SLC2A14: variants seen among roughly 807,000 people sequenced by gnomAD.
SLC2A14 encodes the protein solute carrier family 2, facilitated glucose transporter member 14.
In SLC2A14, 13 loss-of-function variants were observed where a neutral mutation model predicts 43.0. The ratio of observed to expected loss-of-function variants is 0.30; its 90% CI spans 0.20 to 0.48. The LOEUF (loss-of-function observed/expected upper bound fraction) is 0.48. SLC2A14 is among the 20% of genes least tolerant of loss of function. SLC2A14 has a pLI of 0.99. For missense variants in SLC2A14, 428 were observed against 620.4 expected, an observed-to-expected ratio of 0.69 and a Z score of 3.29; for synonymous variants, 190 against 233.8, an observed-to-expected ratio of 0.81 and a Z score of 1.71.
At chr12:7,826,303 A>G (rs964533481) in intron 7 of SLC2A14, among the ~76,000 whole-genome samples, 8 of 150,484 alleles carry the variant, frequency 5.3e-5, no homozygotes, top group Non-Finnish European at 1.2e-4. Context: ...TCCCACCTCA[A>G]CCTCTGAGTA....
chr12:7,863,891 CT>C (rs949469302), intron 2 of SLC2A14, among the ~76,000 whole-genome samples: 3 of 151,396 alleles, frequency 2.0e-5, no homozygotes, highest in African/African-American at 7.3e-5. Context: ...TCTTGGCTCA[CT>C]GCAACCTCCA....
At chr12:7,884,780 A>G (rs1272748636) in intron 1 of SLC2A14, among the ~76,000 whole-genome samples, 3 of 152,114 alleles carry the variant, frequency 2.0e-5, no homozygotes, top group African/African-American at 7.2e-5. Context: ...TTGTTTGTTA[A>G]ACTTTGGAAG....
rs1441444897 is a variant in SLC2A14, at chr12:7,829,782, C to T, written c.497G>A (p.Gly166Glu). Residue 166 changes from glycine to glutamate, a missense_variant, in exon 5 of 11, where the codon GGA (glycine) becomes GAA (glutamate). Physicochemically the swap from Gly to Glu is moderately conservative, Grantham distance 98 (BLOSUM62 -2). This residue lies in a region of SLC2A14 where 185 missense variants were observed against 275.4 expected (regional missense o/e 0.67). Transcript: ENST00000431042. ...GTLNQLGIVI[G>E]ILVAQIFGLE... The stretch of plus-strand genomic sequence containing the variant: ...CTAGAGTACCTGGGCCACCAGAATT[C>T]CAATAACTATGCCCAGCTGGTTGAG... 6.2e-7 allele frequency: 1 copy of T among 1,614,046 alleles called. No homozygotes were observed. Among genetic ancestry groups the T allele is most frequent in the Non-Finnish European group, 8.5e-7 (1 of 1,180,040 alleles).
At chr12:7,828,642 C>T in intron 6 of SLC2A14, 62 bp downstream of exon 6, 2 of 1,551,612 alleles carry the variant, frequency 1.3e-6, no homozygotes, top group Non-Finnish European at 1.8e-6. Context: ...GATCCAGTAC[C>T]CTCACCCTTA....
chr12:7,878,557 C>T (rs1010999991), intron 1 of SLC2A14, among the ~76,000 whole-genome samples: 9 of 151,914 alleles, frequency 5.9e-5, no homozygotes, highest in African/African-American at 2.2e-4. Context: ...CCCTGCCCAG[C>T]CAGTTTTAAA....
At chr12:7,860,460 T>A (rs1387550736) in intron 2 of SLC2A14, 5 of 152,016 alleles carry the variant, frequency 3.3e-5, no homozygotes, top group Admixed American at 3.3e-4. Flanking sequence ...ACTCCGGAAA[T>A]ACACTCTTGG....
intron 2 of SLC2A14, among the ~76,000 whole-genome samples, chr12:7,850,277 C>T (rs769166875): frequency 1.1e-4 from 16 of 152,232 alleles, no homozygotes; most frequent in South Asian, 2.1e-4. Flanking sequence ...AAGGCACTTA[C>T]AGGAGTCTAG....
chr12:7,836,350 A>T (rs1865458938), intron 2 of SLC2A14, among the ~76,000 whole-genome samples: 1 of 151,910 alleles, frequency 6.6e-6, no homozygotes, highest in African/African-American at 2.4e-5. Flanking sequence ...CCTCCTGAGT[A>T]GCTGGGACTA....
chr12:7,814,850 A>T (rs1863293557), intron 10 of SLC2A14, among the ~76,000 whole-genome samples: 1 of 151,846 alleles, frequency 6.6e-6, no homozygotes, highest in South Asian at 2.1e-4. Flanking sequence ...CCCAGGCTGG[A>T]GCGCAATGGC....
At chr12:7,823,664 G>A (rs1227348052) in intron 7 of SLC2A14, among the ~76,000 whole-genome samples, 2 of 152,110 alleles carry the variant, frequency 1.3e-5, no homozygotes, top group Non-Finnish European at 2.9e-5. Flanking sequence ...AGGTTGCGGT[G>A]AGCCGAGATC....
chr12:7,842,700 C>G (rs1257496030), intron 2 of SLC2A14, among the ~76,000 whole-genome samples: 1 of 151,124 alleles, frequency 6.6e-6, no homozygotes, highest in Non-Finnish European at 1.5e-5. Context: ...TTAGCTGACT[C>G]ACATCTACTC....
chr12:7,878,439 A>G (rs2121098667), upstream of SLC2A14, among the ~76,000 whole-genome samples: 1 of 151,918 alleles, frequency 6.6e-6, no homozygotes, highest in African/African-American at 2.4e-5. Context: ...TTGTATTTTT[A>G]GTAGAGACAG....
At chr12:7,882,164 G>T (rs981606425) in intron 1 of SLC2A14, among the ~76,000 whole-genome samples, 1 of 152,070 alleles carries the variant, frequency 6.6e-6, no homozygotes, top group South Asian at 2.1e-4. Flanking sequence ...TTTATGAGCT[G>T]TAACACTCAC....
chr12:7,826,225 G>GTTT (rs34224977), intron 7 of SLC2A14, among the ~76,000 whole-genome samples: 3,298 of 146,116 alleles, frequency 0.023, 108 homozygotes, highest in African/African-American at 0.071. Flanking sequence ...TTCCTCCCAA[G>GTTT]TTTTTTTTTT....
chr12:7,812,590 A>T lies in SLC2A14; in HGVS notation c.*1726T>A, dbSNP rs1318927557. The T allele has an allele frequency of 6.6e-6, 1 of 152,226 alleles. No individual in the cohort carries two copies. Among genetic ancestry groups the T allele is most frequent in the African/African-American group, 2.4e-5 (1 of 41,462 alleles). The allele number at this position is 152,226 out of a possible 1,614,324, so 9.4% of individuals were successfully genotyped here. A position where few individuals can be genotyped will look rare whatever the true frequency, so the allele number is the denominator to read the frequency against. ...ATGGAAAATCCATATGGAAATATTCACAATCTTCTCAGTGAGAAATAGGAA... is the reference window on the plus strand; with the variant it reads ...ATGGAAAATCCATATGGAAATATTCTCAATCTTCTCAGTGAGAAATAGGAA... On this transcript the variant is annotated 3_prime_UTR_variant, in exon 11 of 11. Transcript: ENST00000431042.
chr12:7,871,900 T>C, intron 1 of SLC2A14: 1 of 984,616 alleles, frequency 1.0e-6, no homozygotes, highest in Non-Finnish European at 1.2e-6. Flanking sequence ...CGTGGGAGTG[T>C]GCTCAAGAAG....
chr12:7,826,010 T>A (rs1864330442), intron 7 of SLC2A14, among the ~76,000 whole-genome samples: 1 of 151,838 alleles, frequency 6.6e-6, no homozygotes, highest in African/African-American at 2.4e-5. Flanking sequence ...GCAAGGTACA[T>A]TCTTTAAAGA....
At chr12:7,873,470 A>T (rs1210368699), upstream of SLC2A14, 1 of 520,640 alleles carries the variant, frequency 1.9e-6, no homozygotes, top group Admixed American at 6.4e-5. Context: ...GGCGAAACCC[A>T]GTCTTTACTA....
At position 7,827,270 on chromosome 12, in the gene SLC2A14, C is replaced by CTTT. The variant is rs71038780; in HGVS notation, c.864+222_864+224dup. Among the ~76,000 whole-genome samples the CTTT allele has an allele frequency of 7.1e-5, 7 of 99,218 alleles. 1 individual carries two copies. The highest frequency in any genetic ancestry group is 7.1e-4 in the South Asian group (2 of 2,802). 65.1% of individuals were successfully genotyped at this position (99,218 alleles called of 152,430 possible). On this transcript the variant is annotated intron_variant, in intron 7 of 10. Transcript: ENST00000431042. ...ACCACCACGTCCAGCTAATTTTTGTCTTTTTTTTTTTTTTTTTTTTTTAGA... is the reference window on the plus strand; with the variant it reads ...ACCACCACGTCCAGCTAATTTTTGTCTTTTTTTTTTTTTTTTTTTTTTTTTAGA...
Sources: allele counts gnomAD v4.1 joint callset (sites outside exome capture counted in the v4.1 genomes callset), GRCh38; gene constraint gnomAD v4.1.1; regional missense constraint gnomAD v4.1.1; transcripts MANE v1.5; gene names NCBI Gene and HGNC (gene_info 2026-07-23, HGNC 2026-07-21).